The following LMNTD1 variants were observed in gnomAD, a reference collection of about 807,000 sequenced individuals.
LMNTD1 encodes lamin tail domain containing 1.
In LMNTD1, 35 loss-of-function variants were observed where a neutral mutation model predicts 50.9. The ratio of observed to expected loss-of-function variants is 0.69; its 90% CI spans 0.53 to 0.91. The LOEUF (loss-of-function observed/expected upper bound fraction) is 0.91. Ranked by LOEUF, LMNTD1 falls within the 40% of genes least tolerant of loss-of-function variation. The pLI is 0.00. For missense variants in LMNTD1, 470 were observed against 475.5 expected (o/e 0.99, Z 0.11); for synonymous variants, 153 against 161.9 (o/e 0.94, Z 0.42).
chr12:25,563,758 G>A (rs1173207379), intron 1 of LMNTD1, among the ~76,000 whole-genome samples: 2 of 152,198 alleles, frequency 1.3e-5, no homozygotes, highest in Non-Finnish European at 2.9e-5. Flanking sequence ...CTCTACAGAG[G>A]CAGGCAGGCC....
At chr12:25,546,859 T>A (rs534693831) in intron 3 of LMNTD1, among the ~76,000 whole-genome samples, 4 of 151,572 alleles carry the variant, frequency 2.6e-5, no homozygotes, top group Non-Finnish European at 5.9e-5. Context: ...AGAAGCATCA[T>A]CCATTTTGAA....
chr12:25,563,082 C>T (rs2136313295), intron 1 of LMNTD1, among the ~76,000 whole-genome samples: 1 of 152,302 alleles, frequency 6.6e-6, no homozygotes, highest in East Asian at 1.9e-4. Flanking sequence ...TGGGTTCGAA[C>T]ATCCTCCTTT....
chr12:25,561,804 G>C (rs1339725360), intron 1 of LMNTD1, among the ~76,000 whole-genome samples: 2 of 152,156 alleles, frequency 1.3e-5, no homozygotes, highest in Non-Finnish European at 2.9e-5. Flanking sequence ...CTCAGGACTT[G>C]CTTTATGAAT....
Position 25,526,921 on chromosome 12 carries a change from C to A in LMNTD1, c.526G>T (p.Val176Phe). Residue 176 changes from valine to phenylalanine, a missense_variant, in exon 5 of 10, where the codon GTC (valine) becomes TTC (phenylalanine). Transcript: ENST00000458174. ...LGDVEIAEVN[V>F]KGLFVKLINS... is the part of the protein sequence containing the mutation. ...ATGAGCTTCACGAACAAACCCTTGA[C>A]ATTCACTTCAGCTATTTCAACATCT... 6.2e-7 allele frequency: 1 copy of A among 1,610,182 alleles called. No homozygotes were observed. The highest frequency in any genetic ancestry group is 8.5e-7 in the Non-Finnish European group (1 of 1,178,310).
At chr12:25,568,631 G>A (rs896994542) in intron 1 of LMNTD1, among the ~76,000 whole-genome samples, 1 of 152,212 alleles carries the variant, frequency 6.6e-6, no homozygotes, top group African/African-American at 2.4e-5. Context: ...AATGGGCCAG[G>A]CTTGGAATGC....
chr12:25,507,057 G>A (rs1311059436), intron 8 of LMNTD1, among the ~76,000 whole-genome samples: 1 of 151,886 alleles, frequency 6.6e-6, no homozygotes, highest in Non-Finnish European at 1.5e-5. Context: ...TGTATTTTTA[G>A]TAGAGACAGG....
At chr12:25,604,877 T>G (rs1592095915) in intron 1 of LMNTD1, among the ~76,000 whole-genome samples, 1 of 152,210 alleles carries the variant, frequency 6.6e-6, no homozygotes, top group East Asian at 1.9e-4. Context: ...ATGGGATGAC[T>G]GGGTCAAATG....
chr12:25,518,908 T>G lies in LMNTD1; in HGVS notation c.1076A>C (p.Tyr359Ser), dbSNP rs1013202217. 1.9e-6 allele frequency: 3 copies of G among 1,613,998 alleles called. No homozygotes were observed. The highest frequency in any genetic ancestry group is 4.5e-5 in the East Asian group (2 of 44,870). The change falls in exon 8 of 10, where the codon TAT becomes TCT. Residue 359 changes from tyrosine (Y) to serine (S), a missense_variant. By Grantham distance (144) the Tyr-to-Ser change is moderately radical. Transcript: ENST00000458174. ...AGGACAGTAAGGATGTGCAGAGACA[T>G]AGGGATTCTGGCACCAAGGGCTGCG... The part of the protein sequence containing the change: ...PNRSPWCQNP[Y>S]VSAHPYCPLI...
At chr12:25,575,173 A>G (rs1944953932) in intron 1 of LMNTD1, among the ~76,000 whole-genome samples, 1 of 152,160 alleles carries the variant, frequency 6.6e-6, no homozygotes, top group African/African-American at 2.4e-5. Flanking sequence ...TAGGGAGTCT[A>G]ATAGGAAACT....
intron 9 of LMNTD1, among the ~76,000 whole-genome samples, chr12:25,480,475 A>C (rs1237310969): frequency 6.6e-6 from 1 of 152,186 alleles, no homozygotes; most frequent in East Asian, 1.9e-4. Context: ...GGAAGGATGC[A>C]AGGCGGCTCC....
chr12:25,614,116 A>G (rs1228718787), intron 1 of LMNTD1, among the ~76,000 whole-genome samples: 2 of 152,242 alleles, frequency 1.3e-5, no homozygotes, highest in East Asian at 3.9e-4. Context: ...GGGTTTATCA[A>G]GACAAGTCAT....
intron 9 of LMNTD1, among the ~76,000 whole-genome samples, chr12:25,495,005 T>G (rs1353836686): frequency 6.6e-6 from 1 of 152,168 alleles, no homozygotes; most frequent in African/African-American, 2.4e-5. Context: ...AAAGTTGTAT[T>G]GTTATTACGA....
intron 2 of LMNTD1, among the ~76,000 whole-genome samples, chr12:25,550,256 G>C (rs1943673293): frequency 1.3e-5 from 2 of 152,074 alleles, no homozygotes; most frequent in African/African-American, 2.4e-5. Flanking sequence ...ACAATCATTT[G>C]AACAAGGTTC....
At chr12:25,590,076 C>A (rs977719102) in intron 1 of LMNTD1, among the ~76,000 whole-genome samples, 2 of 152,104 alleles carry the variant, frequency 1.3e-5, no homozygotes, top group South Asian at 2.1e-4. Flanking sequence ...AAAAGAAGCA[C>A]CTCTATAAGA....
At chr12:25,622,463 G>GCCCC (rs199777995) in intron 1 of LMNTD1, among the ~76,000 whole-genome samples, 36 of 111,124 alleles carry the variant, frequency 3.2e-4, no homozygotes, top group Non-Finnish European at 6.7e-4. Context: ...GAGTTTGTGA[G>GCCCC]CCCGCCCCCC....
At chr12:25,552,724 A>G in intron 2 of LMNTD1, 147 bp downstream of exon 2, 1 of 620,578 alleles carries the variant, frequency 1.6e-6, no homozygotes, top group East Asian at 2.7e-5. Flanking sequence ...TGTATGCTAC[A>G]GTCCATTATT....
At chr12:25,601,151 A>G (rs1047196674) in intron 1 of LMNTD1, among the ~76,000 whole-genome samples, 4 of 152,006 alleles carry the variant, frequency 2.6e-5, no homozygotes, top group Admixed American at 2.0e-4. Context: ...TTGCAACAAC[A>G]TGGATGGAAC....
intron 1 of LMNTD1, among the ~76,000 whole-genome samples, chr12:25,605,990 G>T (rs1321803740): frequency 6.6e-6 from 1 of 152,158 alleles, no homozygotes; most frequent in East Asian, 1.9e-4. Context: ...CCATTTGTTT[G>T]TATCCTCTTT....
chr12:25,647,418 G>T (rs1054145492), intron 1 of LMNTD1, among the ~76,000 whole-genome samples: 2 of 152,160 alleles, frequency 1.3e-5, no homozygotes, highest in African/African-American at 4.8e-5. Context: ...GAGCCTGGGG[G>T]GGCAGAGGTT....
Sources: gnomAD v4.1 joint callset for allele counts (sites outside exome capture counted in the v4.1 genomes callset) on GRCh38, gnomAD v4.1.1 for gene constraint, MANE v1.5 for transcripts, NCBI Gene and HGNC (gene_info 2026-07-23, HGNC 2026-07-21) for gene names.